Variants in NADK2 observed in about 807,000 individuals in gnomAD.
NADK2 encodes the protein NAD kinase domain-containing protein 1, mitochondrial.
Under a neutral mutation model 62.1 loss-of-function variants are expected in NADK2, and 35 were observed. That is an observed-to-expected ratio of 0.56 (90% confidence interval 0.43 to 0.75). The LOEUF (loss-of-function observed/expected upper bound fraction) is 0.75. Among genes scored for constraint, NADK2 ranks in the 30% least tolerant of loss-of-function variants. NADK2 has a pLI of 0.00. For synonymous variants in NADK2, 205 were observed against 207.9 expected, an observed-to-expected ratio of 0.99 and a Z score of 0.12; for missense variants, 439 against 561.3, an observed-to-expected ratio of 0.78 and a Z score of 2.20.
At chr5:36,201,229 A>G in intron 8 of NADK2, 68 bp from the exon 9 acceptor site, 1 of 1,389,620 alleles carries the variant, frequency 7.2e-7, no homozygotes, top group Non-Finnish European at 1.0e-6. Flanking sequence ...AAAAGGAATA[A>G]CCTACTTAAA....
chr5:36,222,593 T>C (rs1298613305), intron 4 of NADK2, among the ~76,000 whole-genome samples: 1 of 152,332 alleles, frequency 6.6e-6, no homozygotes, highest in South Asian at 2.1e-4. Context: ...GAATTTACAA[T>C]GTATCCTGAA....
rs1184232861 is a variant in NADK2, at chr5:36,194,184, A to T, written c.*960T>A. The stretch of plus-strand genomic sequence containing the variant: ...GCTATTCTGTAAATCTTGGAATATA[A>T]GCTAGGTGAAAACCACAATACTAAG... On this transcript the variant is annotated 3_prime_UTR_variant, in exon 12 of 12. Transcript: ENST00000381937. 6.6e-6 allele frequency: 1 copy of T among 152,236 alleles called. No individual in the cohort carries two copies. Among genetic ancestry groups the T allele is most frequent in the Non-Finnish European group, 1.5e-5 (1 of 68,040 alleles). The allele number at this position is 152,236 out of a possible 1,614,324, so 9.4% of individuals were successfully genotyped here. A position where few individuals can be genotyped will look rare whatever the true frequency, so the allele number is the denominator to read the frequency against.
intron 8 of NADK2, 149 bp from the exon 9 acceptor site, chr5:36,201,310 T>C: frequency 1.5e-6 from 1 of 659,532 alleles, no homozygotes. Flanking sequence ...AATAATGTGC[T>C]AGTATGGGTA....
intron 8 of NADK2, among the ~76,000 whole-genome samples, chr5:36,202,257 G>A (rs1176657708): frequency 1.3e-5 from 2 of 152,122 alleles, no homozygotes; most frequent in South Asian, 2.1e-4. Flanking sequence ...AAGACAAACT[G>A]AGTATCACAT....
At chr5:36,228,387 C>G (rs1169845037) in intron 1 of NADK2, among the ~76,000 whole-genome samples, 3 of 152,066 alleles carry the variant, frequency 2.0e-5, no homozygotes, top group Non-Finnish European at 4.4e-5. Context: ...TTTGTACTTT[C>G]TTTGCTCCTC....
intron 7 of NADK2, among the ~76,000 whole-genome samples, chr5:36,210,095 C>T (rs1045736854): frequency 6.6e-6 from 1 of 152,098 alleles, no homozygotes. Flanking sequence ...TCTTAGTAAA[C>T]TAGGGATCCA....
At chr5:36,234,567 A>G (rs951726528) in intron 1 of NADK2, among the ~76,000 whole-genome samples, 3 of 152,196 alleles carry the variant, frequency 2.0e-5, no homozygotes, top group Non-Finnish European at 4.4e-5. Flanking sequence ...TAATAAATGT[A>G]AAAGCATATG....
intron 7 of NADK2, among the ~76,000 whole-genome samples, chr5:36,211,037 G>A (rs968807661): frequency 1.3e-5 from 2 of 152,064 alleles, no homozygotes; most frequent in Admixed American, 1.3e-4. Context: ...CTGGCCAAGC[G>A]CAGTGACTCA....
rs1439268353 is a variant in NADK2, at chr5:36,241,861, G to A, written c.-63C>T. 43 of 1,164,732 alleles carry A rather than the reference G, an allele frequency of 3.7e-5. No homozygotes were observed. The Middle Eastern group carries it at 1.1e-3, about 29-fold the overall frequency. 72.1% of individuals were successfully genotyped at this position (1,164,732 alleles called of 1,614,324 possible). A position where few individuals can be genotyped will look rare whatever the true frequency, so the allele number is the denominator to read the frequency against. ...CCCTTGCCTCAGCTCCCTACCGCCG[G>A]GAGTGCGCGCCGTCCGCGCCGCCCG... On this transcript the variant is annotated 5_prime_UTR_variant, in exon 1 of 12. Coordinates refer to ENST00000381937, the MANE Select transcript of NADK2 (RefSeq NM_001085411.3). This position sits in a 1 kb window ranked among gnomAD's most constrained non-coding sequence, Gnocchi z 4.9.
chr5:36,214,489 T>C (rs1255526126), intron 6 of NADK2, among the ~76,000 whole-genome samples: 1 of 151,960 alleles, frequency 6.6e-6, no homozygotes, highest in African/African-American at 2.4e-5. Flanking sequence ...CACTGATTAC[T>C]TTTTTATCCA....
At chr5:36,238,500 T>A (rs897760350) in intron 1 of NADK2, among the ~76,000 whole-genome samples, 1 of 152,178 alleles carries the variant, frequency 6.6e-6, no homozygotes, top group Non-Finnish European at 1.5e-5. Context: ...CAGTTCCCCA[T>A]CCCTGGTGAC....
intron 1 of NADK2, among the ~76,000 whole-genome samples, chr5:36,228,770 CACCACA>C (rs1275453482): frequency 2.6e-5 from 4 of 151,352 alleles, no homozygotes; most frequent in Admixed American, 6.6e-5. Flanking sequence ...AAGTGCACAC[CACCACA>C]ACCAGCTAAT....
intron 4 of NADK2, among the ~76,000 whole-genome samples, chr5:36,223,533 A>T (rs186485192): frequency 3.5e-4 from 53 of 152,338 alleles, no homozygotes; most frequent in Non-Finnish European, 5.4e-4. Context: ...ACAGACAAAG[A>T]AGTAGTCACA....
At chr5:36,224,749 T>C (rs546667618) in intron 4 of NADK2, among the ~76,000 whole-genome samples, 7 of 151,978 alleles carry the variant, frequency 4.6e-5, no homozygotes, top group Non-Finnish European at 8.8e-5. Context: ...ATTAGGATTG[T>C]AGAGATAGGG....
At chr5:36,197,774 T>G (rs1226706753) in intron 10 of NADK2, 110 bp from the exon 11 acceptor site, 4 of 951,324 alleles carry the variant, frequency 4.2e-6, no homozygotes, top group Admixed American at 3.5e-5. Context: ...AAAAGTATAT[T>G]TGGGAACAAG....
Position 36,193,672 on chromosome 5 carries a change from T to TAG in NADK2, c.*1471_*1472insCT, listed in dbSNP as rs1746113346. ...TGCTATGAATGTCTACGCAGATACT[T>TAG]TAAGAAAAATTGATTCTCTGGATAT... On this transcript the variant is annotated 3_prime_UTR_variant, in exon 12 of 12. Transcript: ENST00000381937. 6.6e-6 allele frequency: 1 copy of TAG among 152,302 alleles called. No individual in the cohort carries two copies. Among genetic ancestry groups the TAG allele is most frequent in the African/African-American group, 2.4e-5 (1 of 41,428 alleles). The allele number at this position is 152,302 out of a possible 1,614,324, so 9.4% of individuals were successfully genotyped here.
At chr5:36,200,880 A>G (rs1372299956) in intron 9 of NADK2, among the ~76,000 whole-genome samples, 5 of 152,078 alleles carry the variant, frequency 3.3e-5, no homozygotes, top group Admixed American at 2.0e-4. Context: ...CTTCCTTTAC[A>G]TGAACAGGTG....
At chr5:36,200,955 T>G in intron 9 of NADK2, 151 bp downstream of exon 9, 2 of 616,312 alleles carry the variant, frequency 3.2e-6, no homozygotes, top group Non-Finnish European at 5.6e-6. Context: ...TATATGAATC[T>G]TCTATCAGTG....
At chr5:36,208,265 T>C (rs1746711473) in intron 7 of NADK2, among the ~76,000 whole-genome samples, 1 of 152,082 alleles carries the variant, frequency 6.6e-6, no homozygotes, top group Admixed American at 6.6e-5. Context: ...GAATTTCTTA[T>C]TAAAAATAAA....
Sources: allele counts gnomAD v4.1 joint callset (sites outside exome capture counted in the v4.1 genomes callset), GRCh38; gene constraint gnomAD v4.1.1; non-coding constraint Gnocchi (gnomAD v3.1); transcripts MANE v1.5; gene names NCBI Gene and HGNC (gene_info 2026-07-23, HGNC 2026-07-21).